Variants in HPSE2 observed in about 807,000 individuals in gnomAD.
The protein encoded by HPSE2 is inactive heparanase-2.
In HPSE2, 38 loss-of-function variants were observed where a neutral mutation model predicts 60.5. That is an observed-to-expected ratio of 0.63 (90% CI 0.48 to 0.82). The LOEUF (loss-of-function observed/expected upper bound fraction) is 0.82, where lower values mean the gene tolerates loss of function less well. HPSE2 is among the 40% of genes least tolerant of loss of function. HPSE2 has a pLI of 0.00. For synonymous variants in HPSE2, 295 were observed against 293.2 expected (o/e 1.01, Z -0.06); for missense variants, 713 against 740.4 (o/e 0.96, Z 0.43).
Position 98,459,322 on chromosome 10 carries a change from T to C in HPSE2, c.*252A>G, listed in dbSNP as rs889733391. 1 of 540,930 alleles carries C rather than the reference T, an allele frequency of 1.8e-6. No individual in the cohort carries two copies. The highest frequency in any genetic ancestry group is 1.9e-5 in the African/African-American group (1 of 52,630). The allele number at this position is 540,930 out of a possible 1,614,324, so 33.5% of individuals were successfully genotyped here. On this transcript the variant is annotated 3_prime_UTR_variant, in exon 12 of 12. Coordinates refer to ENST00000370552, the MANE Select transcript of HPSE2 (RefSeq NM_021828.5). ...GTGCACATGAAGGGAAACATTCTGC[T>C]CTATACACATGCCTTTATCCTTATA...
At chr10:98,696,603 A>C (rs943851433) in intron 5 of HPSE2, among the ~76,000 whole-genome samples, 1 of 9,574 alleles carries the variant, frequency 1.0e-4, no homozygotes, top group African/African-American at 1.2e-4. Context: ...CGAGGGTCCC[A>C]ACCATGGAAT....
chr10:98,852,653 A>G (rs901958539), intron 3 of HPSE2, among the ~76,000 whole-genome samples: 8 of 152,302 alleles, frequency 5.3e-5, no homozygotes, highest in African/African-American at 1.9e-4. Context: ...GTCCAATTAC[A>G]TTTCTACATG....
intron 3 of HPSE2, among the ~76,000 whole-genome samples, chr10:98,755,937 A>G (rs1410029770): frequency 6.6e-6 from 1 of 152,204 alleles, no homozygotes; most frequent in East Asian, 1.9e-4. Context: ...TGGAGGTTGC[A>G]GTGAGCCGAG....
chr10:98,888,449 A>C lies in HPSE2; in HGVS notation c.611-144393T>G, dbSNP rs150375061. Among the ~76,000 whole-genome samples the C allele has an allele frequency of 3.3e-3, 507 of 152,300 alleles. 5 individuals carry two copies. Among genetic ancestry groups the C allele is most frequent in the Middle Eastern group, 0.014 (4 of 294 alleles). ...ATTTTTGTACTAGGAAATTAAGAAA[A>C]AGATATCAGTGAGCTTCTATGAGAA... On this transcript the variant is annotated intron_variant, in intron 3 of 11. Coordinates refer to ENST00000370552, the MANE Select transcript of HPSE2 (RefSeq NM_021828.5).
chr10:99,081,623 G>GATGAA (rs1564791641), intron 3 of HPSE2, among the ~76,000 whole-genome samples: 3 of 112,214 alleles, frequency 2.7e-5, no homozygotes, highest in African/African-American at 8.5e-5. Flanking sequence ...ATGATGATGA[G>GATGAA]ATAATATAAT....
At chr10:99,233,215 C>CA (rs1318039482) in intron 1 of HPSE2, among the ~76,000 whole-genome samples, 1 of 24,108 alleles carries the variant, frequency 4.1e-5, no homozygotes, top group Non-Finnish European at 7.6e-5. Flanking sequence ...CCACCACCAC[C>CA]ACCACACACA....
intron 2 of HPSE2, among the ~76,000 whole-genome samples, chr10:99,175,003 C>T (rs1435557697): frequency 1.3e-5 from 2 of 152,092 alleles, no homozygotes; most frequent in Non-Finnish European, 2.9e-5. Context: ...ACCCAGAAAC[C>T]GCAAGGGGGT....
At chr10:99,196,983 A>G (rs1848420938) in intron 2 of HPSE2, among the ~76,000 whole-genome samples, 1 of 152,322 alleles carries the variant, frequency 6.6e-6, no homozygotes, top group East Asian at 1.9e-4. Flanking sequence ...GTATCCATCA[A>G]CAGATGAGTG....
At chr10:99,197,051 T>A (rs902548851) in intron 2 of HPSE2, among the ~76,000 whole-genome samples, 1 of 152,170 alleles carries the variant, frequency 6.6e-6, no homozygotes, top group Admixed American at 6.5e-5. Context: ...TAAAAAGGAA[T>A]GAGATTCAGT....
intron 3 of HPSE2, among the ~76,000 whole-genome samples, chr10:98,888,631 A>G (rs1055569843): frequency 1.3e-5 from 2 of 152,182 alleles, no homozygotes; most frequent in Non-Finnish European, 2.9e-5. Flanking sequence ...AAGCTGGTAC[A>G]TGTTAAGTGC....
At position 98,707,846 on chromosome 10, in the gene HPSE2, C is replaced by G. The variant is rs549898137; in HGVS notation, c.956+13811G>C. 2.9e-3 allele frequency among the ~76,000 whole-genome samples: 444 copies of G among 152,234 alleles called. 6 individuals carry two copies. The South Asian group carries it at 0.029, about 10-fold the overall frequency. ...AGCTTTACAAAACCATTCTAACATT[C>G]ATCTGGAAGAAGCCAAGAAAATTTT... On this transcript the variant is annotated intron_variant, in intron 5 of 11. Coordinates refer to ENST00000370552, the MANE Select transcript of HPSE2 (RefSeq NM_021828.5).
intron 6 of HPSE2, among the ~76,000 whole-genome samples, chr10:98,644,998 G>A (rs1946730646): frequency 6.6e-6 from 1 of 152,124 alleles, no homozygotes; most frequent in African/African-American, 2.4e-5. Flanking sequence ...GAAATGATCT[G>A]GGTCTAAATA....
chr10:98,526,143 T>C (rs773371535), intron 9 of HPSE2, among the ~76,000 whole-genome samples: 13 of 152,156 alleles, frequency 8.5e-5, no homozygotes, highest in Non-Finnish European at 1.9e-4. Context: ...CTGAAAATGG[T>C]AATATATGCT....
chr10:99,299,722 A>G, the HPSE2 span, among the ~76,000 whole-genome samples: 41 of 152,192 alleles, frequency 2.7e-4, no homozygotes, highest in Non-Finnish European at 4.9e-4. Context: ...TGTTTAATAG[A>G]TAGTATGAAG....
chr10:98,657,743 T>C (rs1329551959), intron 6 of HPSE2, among the ~76,000 whole-genome samples: 19 of 152,262 alleles, frequency 1.2e-4, no homozygotes, highest in Non-Finnish European at 1.9e-4. Context: ...GTATTTGGTA[T>C]AATACAGTTT....
intron 3 of HPSE2, among the ~76,000 whole-genome samples, chr10:99,138,598 T>C (rs1373604659): frequency 6.6e-6 from 1 of 152,166 alleles, no homozygotes; most frequent in East Asian, 1.9e-4. Flanking sequence ...TGCAGGGACA[T>C]GGATGAAGCT....
chr10:98,559,568 T>C (rs188038382), intron 9 of HPSE2, among the ~76,000 whole-genome samples: 417 of 152,308 alleles, frequency 2.7e-3, no homozygotes, highest in Non-Finnish European at 5.3e-3. Context: ...TCTCCCCTTA[T>C]CTGCTTCCTG....
intron 3 of HPSE2, among the ~76,000 whole-genome samples, chr10:98,901,014 C>G (rs1340111531): frequency 2.0e-5 from 3 of 152,124 alleles, no homozygotes; most frequent in African/African-American, 7.2e-5. Flanking sequence ...TAGAATACTA[C>G]TCAGCAGTAA....
chr10:98,577,660 T>C (rs1441652952), intron 9 of HPSE2, among the ~76,000 whole-genome samples: 1 of 152,154 alleles, frequency 6.6e-6, no homozygotes, highest in Non-Finnish European at 1.5e-5. Flanking sequence ...TCTCATCAGG[T>C]TAGTTTGGTG....
Sources: allele counts gnomAD v4.1 joint callset (sites outside exome capture counted in the v4.1 genomes callset), GRCh38; gene constraint gnomAD v4.1.1; transcripts MANE v1.5; gene names NCBI Gene and HGNC (gene_info 2026-07-23, HGNC 2026-07-21).